VPS13C: variants seen among roughly 807,000 people sequenced by gnomAD.
VPS13C encodes intermembrane lipid transfer protein VPS13C.
A neutral mutation model predicts 456.8 loss-of-function variants in VPS13C; 358 were observed. The ratio of observed to expected loss-of-function variants is 0.78; its 90% confidence interval spans 0.72 to 0.86. VPS13C has a LOEUF of 0.86. VPS13C is among the 40% of genes least tolerant of loss of function. The pLI, the probability that VPS13C is intolerant of heterozygous loss-of-function variation, is 0.00. For missense variants in VPS13C, 4,818 were observed against 4,385.4 expected (o/e 1.10, Z -2.79); for synonymous variants, 1,578 against 1,486.7 (o/e 1.06, Z -1.41).
intron 45 of VPS13C, among the ~76,000 whole-genome samples, chr15:61,942,773 C>A (rs896516261): frequency 6.6e-6 from 1 of 152,046 alleles, no homozygotes; most frequent in Non-Finnish European, 1.5e-5. Context: ...CCGGCACCCA[C>A]CTCCAAGTTA....
At position 61,922,686 on chromosome 15, in the gene VPS13C, T is replaced by G. The variant is rs563290231; in HGVS notation, c.6686A>C (p.Lys2229Thr). Reference protein sequence around the residue: ...LSPKTKEDGSKDTSKEMENLW... With the variant: ...LSPKTKEDGSTDTSKEMENLW... ...ATTTTCCATTTCCTTAGACGTATCTTTGGATCCATCTTCTTTTGTTTTTGG... is the reference window on the plus strand; with the variant it reads ...ATTTTCCATTTCCTTAGACGTATCTGTGGATCCATCTTCTTTTGTTTTTGG... Residue 2229 changes from lysine to threonine, a missense_variant, in exon 54 of 85, where the codon AAA becomes ACA. Lys to Thr is a moderately conservative substitution (Grantham distance 78). This residue lies in a region of VPS13C where 4,552 missense variants were observed against 4,130.6 expected (regional missense o/e 1.10). Transcript: ENST00000644861. 1 of 1,613,988 alleles carries G rather than the reference T, an allele frequency of 6.2e-7. No homozygotes were observed. Among genetic ancestry groups the G allele is most frequent in the Non-Finnish European group, 8.5e-7 (1 of 1,179,906 alleles).
At chr15:61,989,144 A>T (rs2046146986) in intron 18 of VPS13C, among the ~76,000 whole-genome samples, 1 of 151,990 alleles carries the variant, frequency 6.6e-6, no homozygotes, top group South Asian at 2.1e-4. Context: ...TAATCCCAGC[A>T]CTTTGGGAGG....
chr15:62,006,725 T>A lies in VPS13C; in HGVS notation c.1290+583A>T, dbSNP rs190749125. Among the ~76,000 whole-genome samples, 632 of 152,252 alleles carry A rather than the reference T, an allele frequency of 4.2e-3. 1 individual carries two copies. Among genetic ancestry groups the A allele is most frequent in the Middle Eastern group, 0.01 (3 of 294 alleles). Reference sequence around the variant, plus strand: ...AACTAGTTTACAATCCCACCAACAGTGTAAAAGTGTTCCTATTTCTCCACA... The same window carrying A: ...AACTAGTTTACAATCCCACCAACAGAGTAAAAGTGTTCCTATTTCTCCACA... On this transcript the variant is annotated intron_variant, in intron 15 of 84. Transcript: ENST00000644861.
intron 53 of VPS13C, among the ~76,000 whole-genome samples, chr15:61,925,213 AAT>A (rs2043808163): frequency 6.6e-6 from 1 of 151,672 alleles, no homozygotes. Context: ...ATGCAAATAG[AAT>A]AGAGAAAAAC....
Position 61,927,388 on chromosome 15 carries a change from TA to T in VPS13C, c.6287-69del. 2.4e-6 allele frequency: 3 copies of T among 1,228,606 alleles called. No homozygotes were observed. The South Asian group carries it at 4.2e-5, about 17-fold the overall frequency. 76.1% of individuals were successfully genotyped at this position (1,228,606 alleles called of 1,614,324 possible). ...TCTTTTCATTTGACTACATGTTATCTACAAGTTGTTAAGTTGTTCTCAATGT... is the reference window on the plus strand; with the variant it reads ...TCTTTTCATTTGACTACATGTTATCTCAAGTTGTTAAGTTGTTCTCAATGT... On this transcript the variant is annotated intron_variant, in intron 51 of 84. Coordinates refer to ENST00000644861, the MANE Select transcript of VPS13C (RefSeq NM_020821.3).
At chr15:61,920,963 A>G (rs1239170336) in intron 55 of VPS13C, among the ~76,000 whole-genome samples, 1 of 152,122 alleles carries the variant, frequency 6.6e-6, no homozygotes, top group Non-Finnish European at 1.5e-5. Flanking sequence ...TTATGTGTTG[A>G]CGAGCAATCT....
intron 27 of VPS13C, among the ~76,000 whole-genome samples, 158 bp downstream of exon 27, chr15:61,972,467 A>G (rs1032710475): frequency 5.9e-5 from 9 of 152,082 alleles, no homozygotes; most frequent in African/African-American, 1.9e-4. Context: ...TGAGAGAGAA[A>G]GAGTGTGTGT....
intron 1 of VPS13C, among the ~76,000 whole-genome samples, chr15:62,059,973 A>G (rs561661855): frequency 7.6e-4 from 116 of 152,252 alleles, no homozygotes; most frequent in Non-Finnish European, 1.1e-3. Context: ...CCCTGAGTGC[A>G]GCGAGAGGAC....
At chr15:62,015,223 T>C (rs1013968875) in intron 9 of VPS13C, among the ~76,000 whole-genome samples, 1 of 152,156 alleles carries the variant, frequency 6.6e-6, no homozygotes, top group African/African-American at 2.4e-5. Context: ...TGTTACTGTA[T>C]ACTTGTTTTT....
At chr15:62,054,479 C>A (rs1310498079) in intron 1 of VPS13C, among the ~76,000 whole-genome samples, 1 of 151,902 alleles carries the variant, frequency 6.6e-6, no homozygotes, top group Non-Finnish European at 1.5e-5. Context: ...TCTAAGAAAA[C>A]CAAACAACAC....
rs1173134309 is a variant in VPS13C, at chr15:61,911,428, C to A, written c.8715+412G>T. 2.5e-4 allele frequency among the ~76,000 whole-genome samples: 38 copies of A among 152,150 alleles called. 1 individual carries two copies. Among genetic ancestry groups the A allele is most frequent in the Non-Finnish European group, 1.5e-5 (1 of 68,028 alleles). The stretch of plus-strand genomic sequence containing the variant: ...AATTTTCAAAGAAATTTCCAGCTCA[C>A]CTATTCAGAAATTCTATAACCACCT... On this transcript the variant is annotated intron_variant, in intron 63 of 84. Coordinates refer to ENST00000644861, the MANE Select transcript of VPS13C (RefSeq NM_020821.3).
chr15:61,930,450 T>C (rs982631494), intron 50 of VPS13C, among the ~76,000 whole-genome samples: 2 of 152,190 alleles, frequency 1.3e-5, no homozygotes, highest in Non-Finnish European at 2.9e-5. Flanking sequence ...AAGTATCCCA[T>C]ATGTATTCAA....
At chr15:62,049,683 T>C (rs1377232356) in intron 1 of VPS13C, among the ~76,000 whole-genome samples, 1 of 152,190 alleles carries the variant, frequency 6.6e-6, no homozygotes, top group Non-Finnish European at 1.5e-5. Flanking sequence ...AACTATAAAT[T>C]ACCTTGGGCA....
intron 55 of VPS13C, among the ~76,000 whole-genome samples, chr15:61,921,208 C>T (rs1453537357): frequency 6.6e-6 from 1 of 152,062 alleles, no homozygotes; most frequent in East Asian, 1.9e-4. Flanking sequence ...AATATTACTT[C>T]TTTATTGAGA....
rs543392707 is a variant in VPS13C, at chr15:62,020,362, A to G, written c.684+117T>C. ...TTCTAGAAAAGTTGTTTAGCATGATAATATATTTAAAAAATCATAGTTCTT... is the reference window on the plus strand; with the variant it reads ...TTCTAGAAAAGTTGTTTAGCATGATGATATATTTAAAAAATCATAGTTCTT... On this transcript the variant is annotated intron_variant, in intron 9 of 84. Transcript: ENST00000644861. The G allele has an allele frequency of 7.8e-5, 60 of 764,758 alleles. No individual in the cohort carries two copies. The African/African-American group carries it at 9.0e-4, about 11-fold the overall frequency. 47.4% of individuals were successfully genotyped at this position (764,758 alleles called of 1,614,324 possible). A position where few individuals can be genotyped will look rare whatever the true frequency, so the allele number is the denominator to read the frequency against.
intron 66 of VPS13C, among the ~76,000 whole-genome samples, chr15:61,903,505 G>C (rs1384485224): frequency 2.0e-5 from 3 of 151,824 alleles, no homozygotes; most frequent in South Asian, 4.2e-4. Flanking sequence ...AAATGAAATA[G>C]GACACCAAAA....
At chr15:61,888,193 C>T (rs1896406239) in intron 67 of VPS13C, among the ~76,000 whole-genome samples, 1 of 152,110 alleles carries the variant, frequency 6.6e-6, no homozygotes, top group Non-Finnish European at 1.5e-5. Context: ...ACCGACAATA[C>T]CAAATTTTGG....
At chr15:62,013,783 A>C in intron 10 of VPS13C, 150 bp downstream of exon 10, 2 of 530,348 alleles carry the variant, frequency 3.8e-6, no homozygotes, top group East Asian at 5.8e-5. Context: ...GTGATTACAG[A>C]GGGTCACATA....
At chr15:61,950,247 A>G (rs2044740164) in intron 41 of VPS13C, 111 bp downstream of exon 41, 1 of 755,864 alleles carries the variant, frequency 1.3e-6, no homozygotes, top group Non-Finnish European at 2.3e-6. Flanking sequence ...GAATATTATT[A>G]TTGCCACTGT....
Sources: gnomAD v4.1 joint callset for allele counts (sites outside exome capture counted in the v4.1 genomes callset) on GRCh38, gnomAD v4.1.1 for gene constraint, gnomAD v4.1.1 regional missense constraint, MANE v1.5 for transcripts, NCBI Gene and HGNC (gene_info 2026-07-23, HGNC 2026-07-21) for gene names.